Variants in ETFDH observed in about 807,000 individuals in gnomAD.
The protein encoded by ETFDH is electron transfer flavoprotein dehydrogenase.
ETFDH carries 61 observed loss-of-function variants against 73.2 expected under a neutral mutation model. That is an observed-to-expected ratio of 0.83 (90% confidence interval 0.68 to 1.03). The LOEUF (loss-of-function observed/expected upper bound fraction) is 1.03, where lower values mean the gene tolerates loss of function less well. ETFDH is among the 50% of genes least tolerant of loss of function. The pLI is 0.00. For missense variants in ETFDH, 685 were observed against 745.0 expected, an observed-to-expected ratio of 0.92 and a Z score of 0.94; for synonymous variants, 243 against 253.3, an observed-to-expected ratio of 0.96 and a Z score of 0.39.
chr4:158,691,858 T>C (rs918560511), intron 6 of ETFDH, among the ~76,000 whole-genome samples: 12 of 152,306 alleles, frequency 7.9e-5, no homozygotes, highest in Admixed American at 5.2e-4. Context: ...AATTAACATC[T>C]CAATCAACTA....
At chr4:158,696,605 T>G (rs574539165) in intron 7 of ETFDH, among the ~76,000 whole-genome samples, 1 of 152,292 alleles carries the variant, frequency 6.6e-6, no homozygotes, top group East Asian at 1.9e-4. Flanking sequence ...CATTATATTG[T>G]GAATAAGGGT....
chr4:158,677,321 T>C (rs1773735502), intron 1 of ETFDH, among the ~76,000 whole-genome samples: 1 of 152,212 alleles, frequency 6.6e-6, no homozygotes, highest in Non-Finnish European at 1.5e-5. Flanking sequence ...CATTAATCAA[T>C]ACGTGTAAGG....
intron 6 of ETFDH, among the ~76,000 whole-genome samples, chr4:158,691,355 C>T (rs951756200): frequency 2.6e-5 from 4 of 152,178 alleles, no homozygotes; most frequent in Admixed American, 6.5e-5. Context: ...GACGGAGTTT[C>T]ATTCTGTTGC....
chr4:158,702,907 T>C (rs1278452664), intron 9 of ETFDH, among the ~76,000 whole-genome samples: 1 of 152,216 alleles, frequency 6.6e-6, no homozygotes, highest in African/African-American at 2.4e-5. Flanking sequence ...CTGTTTTCCA[T>C]AATGGTTGTA....
Position 158,709,586 on chromosome 4 carries a change from T to G in ETFDH, c.*1059T>G. 3.5e-6 allele frequency: 2 copies of G among 568,806 alleles called. No homozygotes were observed. Among genetic ancestry groups the G allele is most frequent in the Non-Finnish European group, 6.1e-6 (2 of 328,384 alleles). 35.2% of individuals were successfully genotyped at this position (568,806 alleles called of 1,614,324 possible). On this transcript the variant is annotated 3_prime_UTR_variant, in exon 13 of 13. Coordinates refer to ENST00000511912, the MANE Select transcript of ETFDH (RefSeq NM_004453.4). ...TGTATTGTGACATGTTTATTAAGCA[T>G]GAACCCCTATCAGTACTCCTAAACT... is the stretch of plus-strand genomic sequence containing the variant.
intron 7 of ETFDH, 64 bp downstream of exon 7, chr4:158,695,707 C>A: frequency 3.5e-6 from 4 of 1,143,528 alleles, no homozygotes; most frequent in Non-Finnish European, 5.3e-6. Context: ...TTTGTATTAT[C>A]AGGTAGTTTA....
Position 158,699,135 on chromosome 4 carries a change from C to T in ETFDH, c.1116+5C>T. 1.2e-6 allele frequency: 2 copies of T among 1,609,516 alleles called. No individual in the cohort carries two copies. The highest frequency in any genetic ancestry group is 1.7e-6 in the Non-Finnish European group (2 of 1,175,866). ...CTCAATGAAGGTGGCTTTCAGGTAA[C>T]TCTTCCAACTTTTATTTTCCTTGTT... On this transcript the variant is annotated splice_donor_5th_base_variant and intron_variant, in intron 9 of 12. Transcript: ENST00000511912.
chr4:158,672,607 T>C (rs1773603550), intron 1 of ETFDH, 117 bp downstream of exon 1: 1 of 1,070,336 alleles, frequency 9.3e-7, no homozygotes, highest in Non-Finnish European at 1.4e-6. Flanking sequence ...TCAGGCTATC[T>C]AGGGCAAAGG....
Position 158,708,374 on chromosome 4 carries a change from A to T in ETFDH, c.1701A>T (p.Glu567Asp). The change falls in exon 13 of 13, where the codon GAA becomes GAT. Residue 567 changes from glutamate to aspartate, a missense_variant. By Grantham distance (45) the Glu-to-Asp change is conservative. Around this residue, in one of 3 missense-constraint regions of ETFDH, gnomAD observed 201 missense variants for 225.2 expected, o/e 0.89. Transcript: ENST00000511912. ...EQRFCPAGVY[E>D]FVPVEQGDGF... ...ATTTTTACTTTTCAGGAGTTTATGA[A>T]TTTGTACCTGTGGAACAAGGTGATG... 1 of 1,611,282 alleles carries T rather than the reference A, an allele frequency of 6.2e-7. No homozygotes were observed. The highest frequency in any genetic ancestry group is 8.5e-7 in the Non-Finnish European group (1 of 1,177,478).
chr4:158,682,226 A>G lies in ETFDH; in HGVS notation c.207A>G (p.Ala69=). ...GVNMERFAEE[A]DVVIVGAGPA... ...ACATGGAAAGGTTTGCAGAAGAAGCAGATGTTGTAATAGTTGGTGCAGGCC... is the reference window on the plus strand; with the variant it reads ...ACATGGAAAGGTTTGCAGAAGAAGCGGATGTTGTAATAGTTGGTGCAGGCC... The change falls in exon 3 of 13, where the codon GCA becomes GCG. Residue 69 remains alanine (A), a synonymous_variant. Coordinates refer to ENST00000511912, the MANE Select transcript of ETFDH (RefSeq NM_004453.4). 6.2e-7 allele frequency: 1 copy of G among 1,614,214 alleles called. No homozygotes were observed. Among genetic ancestry groups the G allele is most frequent in the Non-Finnish European group, 8.5e-7 (1 of 1,180,024 alleles).
intron 5 of ETFDH, among the ~76,000 whole-genome samples, chr4:158,689,425 T>C (rs1004767457): frequency 3.3e-5 from 5 of 151,662 alleles, no homozygotes; most frequent in East Asian, 1.9e-4. Flanking sequence ...TGAACACTTA[T>C]AGTCACTTGT....
At chr4:158,700,224 A>T (rs1774420801) in intron 9 of ETFDH, among the ~76,000 whole-genome samples, 1 of 148,126 alleles carries the variant, frequency 6.8e-6, no homozygotes, top group Admixed American at 6.6e-5. Flanking sequence ...TAGCTACATT[A>T]TAAATATAAT....
chr4:158,688,852 T>G (rs1774083471), intron 5 of ETFDH, among the ~76,000 whole-genome samples: 1 of 152,252 alleles, frequency 6.6e-6, no homozygotes, highest in African/African-American at 2.4e-5. Flanking sequence ...TACATACATG[T>G]TAACTGTTTT....
Position 158,695,498 on chromosome 4 carries a change from CAA to C in ETFDH, c.687_688del (p.Thr230IlefsTer2), listed in dbSNP as rs1431532206. On this transcript the variant is annotated frameshift_variant and splice_region_variant, in exon 7 of 13. Coordinates refer to ENST00000511912, the MANE Select transcript of ETFDH (RefSeq NM_004453.4). LOFTEE classifies it high-confidence loss of function. Reference sequence around the variant, plus strand: ...ATTTAACATGTTTTTGCTTTTCAGGCAACATTTGAGAGAGGACTGGAACTACA... The same window carrying C: ...ATTTAACATGTTTTTGCTTTTCAGGCCATTTGAGAGAGGACTGGAACTACA... 12 of 1,611,552 alleles carry C rather than the reference CAA, an allele frequency of 7.4e-6. No homozygotes were observed. The highest frequency in any genetic ancestry group is 1.0e-5 in the Non-Finnish European group (12 of 1,178,232).
At chr4:158,706,937 C>G in intron 12 of ETFDH, 87 bp downstream of exon 12, 1 of 831,894 alleles carries the variant, frequency 1.2e-6, no homozygotes, top group Non-Finnish European at 2.0e-6. Context: ...TTCTGTATCT[C>G]CTTCCATTCC....
Position 158,708,756 on chromosome 4 carries a change from A to C in ETFDH, c.*229A>C, listed in dbSNP as rs1462630268. 1 of 478,776 alleles carries C rather than the reference A, an allele frequency of 2.1e-6. No individual in the cohort carries two copies. Among genetic ancestry groups the C allele is most frequent in the African/African-American group, 2.0e-5 (1 of 51,152 alleles). The allele number at this position is 478,776 out of a possible 1,614,324, so 29.7% of individuals were successfully genotyped here. A position where few individuals can be genotyped will look rare whatever the true frequency, so the allele number is the denominator to read the frequency against. Reference sequence around the variant, plus strand: ...CATCTTCCTACCTCTTCAGTTCTTCAGAGATTCAGTACCAAGAGCAAAATT... The same window carrying C: ...CATCTTCCTACCTCTTCAGTTCTTCCGAGATTCAGTACCAAGAGCAAAATT... On this transcript the variant is annotated 3_prime_UTR_variant, in exon 13 of 13. Transcript: ENST00000511912.
chr4:158,700,683 A>G (rs1382416664), intron 9 of ETFDH: 2 of 152,128 alleles, frequency 1.3e-5, no homozygotes, highest in Non-Finnish European at 2.9e-5. Flanking sequence ...AGACCTTAAG[A>G]GGCAACAAAG....
At chr4:158,705,226 C>A (rs1774575784) in intron 10 of ETFDH, among the ~76,000 whole-genome samples, 1 of 152,010 alleles carries the variant, frequency 6.6e-6, no homozygotes, top group Non-Finnish European at 1.5e-5. Flanking sequence ...GAGACAGGGT[C>A]TCTCTCTGTT....
chr4:158,698,274 T>C (rs12640862), intron 8 of ETFDH, among the ~76,000 whole-genome samples: 134,548 of 152,200 alleles, frequency 0.88, 60,039 homozygotes, highest in South Asian at 0.97. Flanking sequence ...CTTTATAGTT[T>C]AGTGTCATGA....
Sources: allele counts gnomAD v4.1 joint callset (sites outside exome capture counted in the v4.1 genomes callset), GRCh38; gene constraint gnomAD v4.1.1; regional missense constraint gnomAD v4.1.1; transcripts MANE v1.5; gene names NCBI Gene and HGNC (gene_info 2026-07-23, HGNC 2026-07-21).